The following DHX8 variants were observed in gnomAD, a reference collection of about 807,000 sequenced individuals.
DHX8 encodes ATP-dependent RNA helicase DHX8.
Under a neutral mutation model 140.7 loss-of-function variants are expected in DHX8, and 67 were observed. That is an observed-to-expected ratio of 0.48 (90% CI 0.39 to 0.58). DHX8 has a LOEUF of 0.58. Among genes scored for constraint, DHX8 ranks in the 20% least tolerant of loss-of-function variants. The pLI, the probability that DHX8 is intolerant of heterozygous loss-of-function variation, is 0.00. For missense variants in DHX8, 887 were observed against 1,550.7 expected (o/e 0.57, Z 7.19); for synonymous variants, 533 against 553.2 (o/e 0.96, Z 0.51).
At chr17:43,498,248 G>A (rs1009397787) in intron 9 of DHX8, among the ~76,000 whole-genome samples, 19 of 150,282 alleles carry the variant, frequency 1.3e-4, no homozygotes, top group Middle Eastern at 3.5e-3. Context: ...GGGTTCAAGC[G>A]ATCCTCCTGC....
At chr17:43,530,303 C>A (rs1567707253), downstream of DHX8, 12 of 1,498,122 alleles carry the variant, frequency 8.0e-6, no homozygotes, top group Non-Finnish European at 1.1e-5. Context: ...GGTGACTGTT[C>A]TTTGCCCAGG....
intron 2 of DHX8, chr17:43,536,269 A>G (rs904887593): frequency 5.6e-6 from 4 of 709,870 alleles, no homozygotes; most frequent in Non-Finnish European, 1.0e-5. Flanking sequence ...CCAGATTTCA[A>G]CCAAGGTTTT....
chr17:43,513,709 C>CTTTT lies in DHX8; in HGVS notation c.2643+225_2643+228dup, dbSNP rs34829204. On this transcript the variant is annotated intron_variant, in intron 17 of 22. Transcript: ENST00000262415. ...CTGATTGATCCTTGAAGTTTTTAATCTTTTTTTTTTTTTTTTTTTTTGAGA... is the reference window on the plus strand; with the variant it reads ...CTGATTGATCCTTGAAGTTTTTAATCTTTTTTTTTTTTTTTTTTTTTTTTTGAGA... 6.4e-3 allele frequency among the ~76,000 whole-genome samples: 680 copies of CTTTT among 105,896 alleles called. 21 individuals carry two copies. The highest frequency in any genetic ancestry group is 0.021 in the East Asian group (68 of 3,226). The allele number at this position is 105,896 out of a possible 152,430, so 69.5% of individuals were successfully genotyped here.
intron 6 of DHX8, 106 bp downstream of exon 6, chr17:43,493,146 C>T: frequency 2.1e-6 from 3 of 1,433,882 alleles, no homozygotes; most frequent in Non-Finnish European, 2.8e-6. Context: ...ACACTTTAGT[C>T]AAATCAGCCA....
At chr17:43,544,240 C>T in exon 4 of DHX8, 1 of 152,842 alleles carries the variant, frequency 6.5e-6, no homozygotes, top group Non-Finnish European at 1.5e-5. Context: ...ACACCACTTC[C>T]CCATCAGACC....
chr17:43,517,386 AATTTCAGT>A, intron 18 of DHX8, 64 bp downstream of exon 18: 1 of 1,535,154 alleles, frequency 6.5e-7, no homozygotes, highest in Non-Finnish European at 8.8e-7. Flanking sequence ...TTCATAAATG[AATTTCAGT>A]TTTATGAACC....
chr17:43,535,668 A>C (rs1227019497), intron 2 of DHX8, among the ~76,000 whole-genome samples: 1 of 152,238 alleles, frequency 6.6e-6, no homozygotes, highest in Non-Finnish European at 1.5e-5. Flanking sequence ...TGAGCATCAT[A>C]GGATGCTTTT....
At chr17:43,529,756 T>G, downstream of DHX8, 1 of 1,590,500 alleles carries the variant, frequency 6.3e-7, no homozygotes, top group Non-Finnish European at 8.6e-7. Flanking sequence ...GAGGGATTTC[T>G]CGAAGGGGTC....
intron 12 of DHX8, 145 bp from the exon 13 acceptor site, chr17:43,506,858 T>C: frequency 1.8e-6 from 1 of 567,650 alleles, no homozygotes; most frequent in Non-Finnish European, 2.8e-6. Context: ...ATGTGTATAT[T>C]CCTCTTTTCT....
downstream of DHX8, chr17:43,528,672 G>A (rs376423516): frequency 1.2e-6 from 2 of 1,614,184 alleles, no homozygotes; most frequent in Middle Eastern, 1.6e-4. Context: ...GACGCTGATT[G>A]TCCGGGAAGG....
At position 43,495,104 on chromosome 17, in the gene DHX8, G is replaced by T. The variant is rs116191556; in HGVS notation, c.1213-1077G>T. ...GCTGGGATTACAGGCGTGAGCCACT[G>T]TGCCCAGCCTATTGTTTTCATCCTT... On this transcript the variant is annotated intron_variant, in intron 8 of 22. Transcript: ENST00000262415. 2.8e-3 allele frequency among the ~76,000 whole-genome samples: 431 copies of T among 152,166 alleles called. 3 individuals carry two copies. Among genetic ancestry groups the T allele is most frequent in the African/African-American group, 0.01 (416 of 41,536 alleles).
Position 43,524,904 on chromosome 17 carries a change from T to A in DHX8, c.*1057T>A, listed in dbSNP as rs1368554847. 1 of 985,148 alleles carries A rather than the reference T, an allele frequency of 1.0e-6. No individual in the cohort carries two copies. The highest frequency in any genetic ancestry group is 1.7e-5 in the African/African-American group (1 of 57,172). The allele number at this position is 985,148 out of a possible 1,614,324, so 61.0% of individuals were successfully genotyped here. On this transcript the variant is annotated 3_prime_UTR_variant, in exon 23 of 23. Transcript: ENST00000262415. ...GTTCTTAGTGGTTTTTTCCTAGCACTTGCTTGGAGAATAGCCACCTCCTTG... is the reference window on the plus strand; with the variant it reads ...GTTCTTAGTGGTTTTTTCCTAGCACATGCTTGGAGAATAGCCACCTCCTTG...
rs777172867 is a variant in DHX8 at position 43,496,260 on chromosome 17, A to C, written c.1292A>C (p.Asp431Ala). Reference sequence around the variant, plus strand: ...ACTGGCATTCTCCCTAAGGTGGATGATGAAGAAGGTAACTAGTCAGTTGGA... The same window carrying C: ...ACTGGCATTCTCCCTAAGGTGGATGCTGAAGAAGGTAACTAGTCAGTTGGA... ...EETGILPKVD[D>A]EEDEDLEIEL... The change falls in exon 9 of 23, where the codon GAT becomes GCT. Residue 431 changes from aspartate to alanine, a missense_variant. Coordinates refer to ENST00000262415, the MANE Select transcript of DHX8 (RefSeq NM_004941.3). 6.2e-7 allele frequency: 1 copy of C among 1,612,448 alleles called. No homozygotes were observed. The highest frequency in any genetic ancestry group is 1.1e-5 in the South Asian group (1 of 90,836).
At position 43,490,412 on chromosome 17, in the gene DHX8, C is replaced by G; in HGVS notation, c.256C>G (p.Leu86Val). ...EFTDSLISNL[L>V]RLIQTMRPPA... ...AAAGGATTCTCTTATTAGTAACTTG[C>G]TGCGTCTCATACAAACCATGCGGCC... Residue 86 changes from leucine to valine, a missense_variant, in exon 3 of 23, where the codon CTG becomes GTG. This residue lies in a region of DHX8 where 304 missense variants were observed against 306.9 expected (regional missense o/e 0.99). Coordinates refer to ENST00000262415, the MANE Select transcript of DHX8 (RefSeq NM_004941.3). 1 of 1,613,508 alleles carries G rather than the reference C, an allele frequency of 6.2e-7. No individual in the cohort carries two copies. Among genetic ancestry groups the G allele is most frequent in the Non-Finnish European group, 8.5e-7 (1 of 1,179,830 alleles).
At chr17:43,498,033 T>G (rs1968962496) in intron 9 of DHX8, among the ~76,000 whole-genome samples, 1 of 152,206 alleles carries the variant, frequency 6.6e-6, no homozygotes, top group Non-Finnish European at 1.5e-5. Context: ...GTAGGTCTGA[T>G]CAGTTCTTGG....
At chr17:43,487,719 G>A (rs1968250368) in intron 1 of DHX8, among the ~76,000 whole-genome samples, 1 of 152,122 alleles carries the variant, frequency 6.6e-6, no homozygotes, top group Admixed American at 6.5e-5. Context: ...GCTCATGCCT[G>A]TAATCCCAGC....
At chr17:43,485,736 T>C (rs1209240763) in intron 1 of DHX8, among the ~76,000 whole-genome samples, 4 of 152,224 alleles carry the variant, frequency 2.6e-5, no homozygotes, top group African/African-American at 9.6e-5. Context: ...TAACCCCCAG[T>C]GTTTAATTGT....
At chr17:43,504,551 G>T in intron 11 of DHX8, 93 bp from the exon 12 acceptor site, 6 of 1,254,862 alleles carry the variant, frequency 4.8e-6, no homozygotes, top group Non-Finnish European at 6.7e-6. Flanking sequence ...TTGAGATGCT[G>T]CATGTGCAGT....
intron 2 of DHX8, among the ~76,000 whole-genome samples, chr17:43,535,436 C>T (rs1184207369): frequency 6.6e-6 from 1 of 152,134 alleles, no homozygotes. Flanking sequence ...CGCCACCATG[C>T]CCGGCTAATT....
Sources: gnomAD v4.1 joint callset for allele counts (sites outside exome capture counted in the v4.1 genomes callset) on GRCh38, gnomAD v4.1.1 for gene constraint, gnomAD v4.1.1 regional missense constraint, MANE v1.5 for transcripts, NCBI Gene and HGNC (gene_info 2026-07-23, HGNC 2026-07-21) for gene names.